PCDH9: variants seen among roughly 807,000 people sequenced by gnomAD.
PCDH9 encodes the protein protocadherin 9.
In PCDH9, 24 loss-of-function variants were observed where a neutral mutation model predicts 70.6. That is an observed-to-expected ratio of 0.34 (90% CI 0.25 to 0.48). The LOEUF (loss-of-function observed/expected upper bound fraction) is 0.48, where lower values mean the gene tolerates loss of function less well. PCDH9 is among the 20% of genes least tolerant of loss of function. The pLI is 0.99. For synonymous variants in PCDH9, 562 were observed against 558.5 expected, an observed-to-expected ratio of 1.01 and a Z score of -0.09; for missense variants, 1,281 against 1,503.6, an observed-to-expected ratio of 0.85 and a Z score of 2.45.
intron 3 of PCDH9, among the ~76,000 whole-genome samples, chr13:66,864,425 C>T (rs774746245): frequency 2.6e-5 from 4 of 152,102 alleles, no homozygotes; most frequent in Admixed American, 6.6e-5. Context: ...ACAAGACCAA[C>T]TTTATTCTAA....
At chr13:66,984,249 A>T (rs181682812) in intron 2 of PCDH9, among the ~76,000 whole-genome samples, 2 of 152,286 alleles carry the variant, frequency 1.3e-5, no homozygotes, top group African/African-American at 4.8e-5. Flanking sequence ...ATATTTCTTT[A>T]AAAATGGCTG....
chr13:67,161,317 A>G (rs80174838), intron 2 of PCDH9, among the ~76,000 whole-genome samples: 23 of 152,318 alleles, frequency 1.5e-4, no homozygotes, highest in African/African-American at 5.3e-4. Flanking sequence ...TAACAGTATA[A>G]TCTATGTTCA....
At position 67,170,679 on chromosome 13, in the gene PCDH9, C is replaced by T. The variant is rs561242136; in HGVS notation, c.3036+54726G>A. 3.3e-5 allele frequency among the ~76,000 whole-genome samples: 5 copies of T among 152,254 alleles called. No homozygotes were observed. The South Asian group carries it at 1.0e-3, about 32-fold the overall frequency. ...ATGGCTCAGGCCTGTAATCCCAGCA[C>T]TTTGGGAGGTCGAGGCCGGCGGAAT... On this transcript the variant is annotated intron_variant, in intron 2 of 4. Transcript: ENST00000377865.
At chr13:66,587,413 T>G (rs939232037) in intron 4 of PCDH9, among the ~76,000 whole-genome samples, 3 of 151,998 alleles carry the variant, frequency 2.0e-5, no homozygotes, top group Non-Finnish European at 4.4e-5. Context: ...AGATCTTAGA[T>G]CTCATCTTCA....
At chr13:66,482,662 C>T (rs1052728802) in intron 4 of PCDH9, among the ~76,000 whole-genome samples, 2 of 152,168 alleles carry the variant, frequency 1.3e-5, no homozygotes, top group Non-Finnish European at 2.9e-5. Flanking sequence ...CCAAGTATTG[C>T]ATCTACAAAA....
At chr13:66,808,629 T>C (rs949311803) in intron 3 of PCDH9, among the ~76,000 whole-genome samples, 5 of 152,234 alleles carry the variant, frequency 3.3e-5, no homozygotes, top group African/African-American at 1.2e-4. Context: ...TTCAATTTTC[T>C]TGAAAATATT....
At chr13:67,127,745 C>T (rs988183465) in intron 2 of PCDH9, among the ~76,000 whole-genome samples, 2 of 148,658 alleles carry the variant, frequency 1.3e-5, no homozygotes, top group Non-Finnish European at 3.0e-5. Flanking sequence ...TTTTTCTTTC[C>T]TCATGTCAAA....
At chr13:66,959,706 G>A (rs566548447) in intron 2 of PCDH9, among the ~76,000 whole-genome samples, 1 of 149,382 alleles carries the variant, frequency 6.7e-6, no homozygotes, top group East Asian at 2.0e-4. Flanking sequence ...AATTATGATT[G>A]CATCACTGCA....
At chr13:67,061,865 C>A (rs2085545801) in intron 2 of PCDH9, among the ~76,000 whole-genome samples, 1 of 152,080 alleles carries the variant, frequency 6.6e-6, no homozygotes, top group African/African-American at 2.4e-5. Flanking sequence ...GTCTTTTGGG[C>A]AGAATCCAAA....
At chr13:66,520,552 T>C (rs554882163) in intron 4 of PCDH9, among the ~76,000 whole-genome samples, 13 of 152,226 alleles carry the variant, frequency 8.5e-5, no homozygotes, top group Admixed American at 2.0e-4. Flanking sequence ...ACATGCTTCA[T>C]TTTAATGCTT....
chr13:66,562,018 C>T (rs1263906495), intron 4 of PCDH9, among the ~76,000 whole-genome samples: 2 of 152,026 alleles, frequency 1.3e-5, no homozygotes, highest in African/African-American at 2.4e-5. Context: ...AGACCACAAA[C>T]CCACCAGAAG....
intron 3 of PCDH9, among the ~76,000 whole-genome samples, chr13:66,707,691 C>G (rs2078729499): frequency 6.6e-6 from 1 of 152,198 alleles, no homozygotes; most frequent in Admixed American, 6.5e-5. Flanking sequence ...TCTCTCTACT[C>G]AGGTCACTCA....
intron 4 of PCDH9, among the ~76,000 whole-genome samples, chr13:66,489,715 T>C (rs190677017): frequency 3.8e-4 from 58 of 152,296 alleles, no homozygotes; most frequent in African/African-American, 1.4e-3. Flanking sequence ...ATATGCCTAG[T>C]TTGTAGCATG....
intron 2 of PCDH9, among the ~76,000 whole-genome samples, chr13:66,952,897 C>T (rs1381236582): frequency 2.0e-5 from 3 of 152,104 alleles, no homozygotes; most frequent in African/African-American, 4.8e-5. Flanking sequence ...CTTGTGTGGG[C>T]CCTGGAGGCT....
intron 2 of PCDH9, chr13:67,205,007 GTATC>G (rs1473617320): frequency 2.0e-5 from 3 of 152,136 alleles, no homozygotes; most frequent in Admixed American, 2.0e-4. Context: ...ATTGAAAAGA[GTATC>G]TATTAAAAAA....
intron 2 of PCDH9, among the ~76,000 whole-genome samples, chr13:66,983,473 A>C (rs903002853): frequency 3.3e-5 from 5 of 151,708 alleles, no homozygotes; most frequent in African/African-American, 1.2e-4. Context: ...GAGAAAACAG[A>C]AATGTAATTA....
At chr13:66,610,838 C>A (rs2077285733) in intron 4 of PCDH9, among the ~76,000 whole-genome samples, 1 of 152,206 alleles carries the variant, frequency 6.6e-6, no homozygotes, top group African/African-American at 2.4e-5. Context: ...CAGGATGATA[C>A]CTTTTTTTAA....
intron 3 of PCDH9, among the ~76,000 whole-genome samples, chr13:66,778,374 T>C (rs1415422987): frequency 6.6e-6 from 1 of 152,148 alleles, no homozygotes; most frequent in South Asian, 2.1e-4. Context: ...CTTACAAAAA[T>C]AGCCCCTGGG....
At chr13:66,926,526 G>A (rs986716986) in intron 2 of PCDH9, among the ~76,000 whole-genome samples, 1 of 151,984 alleles carries the variant, frequency 6.6e-6, no homozygotes, top group Non-Finnish European at 1.5e-5. Flanking sequence ...TACCAAGGAC[G>A]ATCTCTACAA....
Sources: gnomAD v4.1 joint callset for allele counts (sites outside exome capture counted in the v4.1 genomes callset) on GRCh38, gnomAD v4.1.1 for gene constraint, MANE v1.5 for transcripts, NCBI Gene and HGNC (gene_info 2026-07-23, HGNC 2026-07-21) for gene names.